The following IL12RB2 variants were observed in gnomAD, a reference collection of about 807,000 sequenced individuals.
The protein encoded by IL12RB2 is interleukin 12 receptor subunit beta 2, also known as interleukin-12 receptor subunit beta-2.
IL12RB2 carries 82 observed loss-of-function variants against 89.4 expected under a neutral mutation model. The ratio of observed to expected loss-of-function variants is 0.92; its 90% CI spans 0.77 to 1.10. The LOEUF (loss-of-function observed/expected upper bound fraction) is 1.10. Ranked by LOEUF, IL12RB2 falls within the 50% of genes least tolerant of loss-of-function variation. The pLI, the probability that IL12RB2 is intolerant of heterozygous loss-of-function variation, is 0.00. For missense variants in IL12RB2, 963 were observed against 1,031.9 expected, an observed-to-expected ratio of 0.93 and a Z score of 0.92; for synonymous variants, 368 against 370.1, an observed-to-expected ratio of 0.99 and a Z score of 0.07.
Position 67,350,856 on chromosome 1 carries a change from G to T in IL12RB2, c.1039-14G>T. On this transcript the variant is annotated splice_polypyrimidine_tract_variant and intron_variant, in intron 9 of 16. Transcript: ENST00000674203. The stretch of plus-strand genomic sequence containing the variant: ...GTCTGGGAGTAAATAGTGAATAAAT[G>T]TGTCTTGTTGCAGAATCTGAGTGTC... 6.2e-7 allele frequency: 1 copy of T among 1,613,774 alleles called. No individual in the cohort carries two copies. Among genetic ancestry groups the T allele is most frequent in the Non-Finnish European group, 8.5e-7 (1 of 1,179,872 alleles).
intron 2 of IL12RB2, among the ~76,000 whole-genome samples, chr1:67,315,303 G>T (rs1050887613): frequency 2.0e-5 from 3 of 151,812 alleles, no homozygotes; most frequent in Admixed American, 6.6e-5. Flanking sequence ...TATCATATGA[G>T]TATTTTACTA....
At chr1:67,334,683 G>A (rs1658537228) in intron 8 of IL12RB2, among the ~76,000 whole-genome samples, 1 of 152,182 alleles carries the variant, frequency 6.6e-6, no homozygotes, top group Admixed American at 6.5e-5. Context: ...GTTTCACCGT[G>A]TTAGCCAGGA....
chr1:67,356,404 C>A (rs10749775), intron 10 of IL12RB2, among the ~76,000 whole-genome samples: 123,258 of 152,164 alleles, frequency 0.81, 51,363 homozygotes, highest in East Asian at 0.99. Flanking sequence ...ACTGTCAAGG[C>A]AGCCCTGGAA....
At chr1:67,389,270 G>A (rs1339408666) in intron 15 of IL12RB2, among the ~76,000 whole-genome samples, 1 of 150,912 alleles carries the variant, frequency 6.6e-6, no homozygotes, top group East Asian at 1.9e-4. Flanking sequence ...TATTTCTTTG[G>A]AGAAAACCTA....
Position 67,350,905 on chromosome 1 carries a change from C to T in IL12RB2, c.1074C>T (p.Leu358=), listed in dbSNP as rs569526490. ...LSVSEARGKI[L]HYQVTLQELT... The stretch of plus-strand genomic sequence containing the variant: ...TCTCAGAGGCAAGAGGAAAAATTCT[C>T]CACTATCAGGTGACCTTGCAGGAGC... The change falls in exon 10 of 17, where the codon CTC becomes CTT. Residue 358 remains leucine (L), a synonymous_variant. Coordinates refer to ENST00000674203, the MANE Select transcript of IL12RB2 (RefSeq NM_001374259.2). 10 of 1,614,048 alleles carry T rather than the reference C, an allele frequency of 6.2e-6. No homozygotes were observed. The South Asian group carries it at 1.1e-4, about 18-fold the overall frequency.
Position 67,338,629 on chromosome 1 carries a change from A to C in IL12RB2, c.964A>C (p.Thr322Pro). 1 of 1,456,720 alleles carries C rather than the reference A, an allele frequency of 6.9e-7. No individual in the cohort carries two copies. Among genetic ancestry groups the C allele is most frequent in the Non-Finnish European group, 9.7e-7 (1 of 1,036,050 alleles). The allele number at this position is 1,456,720 out of a possible 1,614,324, so 90.2% of individuals were successfully genotyped here. A position where few individuals can be genotyped will look rare whatever the true frequency, so the allele number is the denominator to read the frequency against. ...LRAQTPEEEP[T>P]GMLDVWYMKR... ...TTTTTTCTCCTTTGAAACAGAGCCT[A>C]CTGGGATGTTAGATGTCTGGTACAT... Residue 322 changes from threonine (T) to proline (P), a missense_variant, in exon 9 of 17, where the codon ACT becomes CCT. Coordinates refer to ENST00000674203, the MANE Select transcript of IL12RB2 (RefSeq NM_001374259.2).
At position 67,396,455 on chromosome 1, in the gene IL12RB2, A is replaced by G. The variant is rs910150825; in HGVS notation, c.*366A>G. ...AGTCTAGAGGACCATTCATGCAATG[A>G]CTATTTCTAAAGCACCTGCTACACA... On this transcript the variant is annotated 3_prime_UTR_variant, in exon 17 of 17. Transcript: ENST00000674203. The G allele has an allele frequency of 2.4e-5, 9 of 373,012 alleles. No individual in the cohort carries two copies. The highest frequency in any genetic ancestry group is 4.1e-5 in the Non-Finnish European group (8 of 194,638). The allele number at this position is 373,012 out of a possible 1,614,324, so 23.1% of individuals were successfully genotyped here.
chr1:67,378,674 A>AC (rs1167049044), intron 13 of IL12RB2, among the ~76,000 whole-genome samples: 1 of 151,456 alleles, frequency 6.6e-6, no homozygotes, highest in East Asian at 2.0e-4. Flanking sequence ...ACATGGTGAA[A>AC]CCCCATCTCT....
chr1:67,395,954 T>C lies in IL12RB2; in HGVS notation c.2454T>C (p.Ser818=). 1 of 1,611,652 alleles carries C rather than the reference T, an allele frequency of 6.2e-7. No homozygotes were observed. Among genetic ancestry groups the C allele is most frequent in the Non-Finnish European group, 8.5e-7 (1 of 1,177,688 alleles). The change falls in exon 17 of 17, where the codon TCT becomes TCC. Residue 818 remains serine (S), a synonymous_variant. Coordinates refer to ENST00000674203, the MANE Select transcript of IL12RB2 (RefSeq NM_001374259.2). ...LPSHEAPLAD[S]LEELEPQHIS... The stretch of plus-strand genomic sequence containing the variant: ...CACATGAGGCACCTCTCGCTGACTC[T>C]CTGGAAGAACTGGAGCCTCAGCACA...
intron 8 of IL12RB2, among the ~76,000 whole-genome samples, chr1:67,337,811 T>C (rs1658962051): frequency 6.6e-6 from 1 of 151,824 alleles, no homozygotes; most frequent in Admixed American, 6.6e-5. Context: ...ACAAGGTTTG[T>C]CATTTATATT....
intron 10 of IL12RB2, among the ~76,000 whole-genome samples, chr1:67,352,884 C>T (rs929505386): frequency 6.6e-6 from 1 of 152,108 alleles, no homozygotes; most frequent in Non-Finnish European, 1.5e-5. Context: ...GGGGAAGATA[C>T]TCTTGTACAC....
rs1660742950 is a variant in IL12RB2, at chr1:67,350,801, GAGGTCCA to G, written c.1039-68_1039-62del. 3.1e-6 allele frequency: 5 copies of G among 1,592,710 alleles called. No individual in the cohort carries two copies. The East Asian group carries it at 1.1e-4, about 36-fold the overall frequency. The stretch of plus-strand genomic sequence containing the variant: ...AGCTGCCTAGTACATCTGTACCCAT[GAGGTCCA>G]GGCACAGAGCATCAGTGATCTTGTC... On this transcript the variant is annotated intron_variant, in intron 9 of 16. Transcript: ENST00000674203.
chr1:67,327,205 CGCCT>C (rs1657450744), intron 5 of IL12RB2, among the ~76,000 whole-genome samples: 1 of 152,000 alleles, frequency 6.6e-6, no homozygotes, highest in African/African-American at 2.4e-5. Flanking sequence ...GTGATCCACC[CGCCT>C]CAGCCTCCCA....
intron 8 of IL12RB2, among the ~76,000 whole-genome samples, chr1:67,333,245 C>T (rs1017382242): frequency 1.3e-5 from 2 of 152,092 alleles, no homozygotes; most frequent in Non-Finnish European, 2.9e-5. Context: ...CACCCCTTAC[C>T]CGCTGTTTCT....
intron 11 of IL12RB2, among the ~76,000 whole-genome samples, chr1:67,371,168 G>A (rs1009533279): frequency 1.3e-5 from 2 of 152,124 alleles, no homozygotes; most frequent in Non-Finnish European, 2.9e-5. Context: ...TGCCACCCAT[G>A]AGGAATCTTT....
intron 8 of IL12RB2, among the ~76,000 whole-genome samples, chr1:67,335,522 C>A (rs1388790884): frequency 6.6e-6 from 1 of 152,188 alleles, no homozygotes; most frequent in Non-Finnish European, 1.5e-5. Context: ...TTTAACCCTA[C>A]AGTTTTTTCC....
intron 2 of IL12RB2, among the ~76,000 whole-genome samples, chr1:67,315,526 G>C (rs775645224): frequency 6.6e-6 from 1 of 152,122 alleles, no homozygotes; most frequent in Non-Finnish European, 1.5e-5. Flanking sequence ...TATAGGGGTA[G>C]AAAAACTCCG....
chr1:67,371,216 C>A (rs1200883172), intron 11 of IL12RB2, among the ~76,000 whole-genome samples: 1 of 152,192 alleles, frequency 6.6e-6, no homozygotes, highest in African/African-American at 2.4e-5. Context: ...CTTTTCTCCA[C>A]TTCGCTTAGT....
intron 1 of IL12RB2, among the ~76,000 whole-genome samples, chr1:67,312,990 A>T (rs1275812318): frequency 2.6e-5 from 4 of 152,274 alleles, no homozygotes; most frequent in Non-Finnish European, 5.9e-5. Flanking sequence ...CTTCCCCTTC[A>T]AGCCATTTAC....
Sources: allele counts gnomAD v4.1 joint callset (sites outside exome capture counted in the v4.1 genomes callset), GRCh38; gene constraint gnomAD v4.1.1; transcripts MANE v1.5; gene names NCBI Gene and HGNC (gene_info 2026-07-23, HGNC 2026-07-21).